PSG7: variants seen among roughly 807,000 people sequenced by gnomAD.
PSG7 encodes the protein pregnancy-specific beta-1-glycoprotein 7.
A neutral mutation model predicts 45.6 loss-of-function variants in PSG7; 57 were observed. The ratio of observed to expected loss-of-function variants is 1.25; its 90% confidence interval spans 1.01 to 1.56. The LOEUF is 1.56. Among genes scored for constraint, PSG7 ranks in the 40% most tolerant of loss-of-function variants. The pLI is 0.00. For missense variants in PSG7, 796 were observed against 508.4 expected, an observed-to-expected ratio of 1.57 and a Z score of -5.44; for synonymous variants, 298 against 194.4, an observed-to-expected ratio of 1.53 and a Z score of -4.43.
In PSG7 at chr19:42,925,562, G is replaced by A. The variant is rs368941861; in HGVS notation, c.1243+211C>T. 2.4e-6 allele frequency: 3 copies of A among 1,259,828 alleles called. No individual in the cohort carries two copies. In the South Asian group the frequency reaches 5.0e-5, roughly 21 times the overall value. The allele number at this position is 1,259,828 out of a possible 1,614,324, so 78.0% of individuals were successfully genotyped here. ...ATGAAATCAATGTTTTTCCTGCTTGGTCTAGGCTGGGAATGTTATGAAGAT... is the reference window on the plus strand; with the variant it reads ...ATGAAATCAATGTTTTTCCTGCTTGATCTAGGCTGGGAATGTTATGAAGAT... On this transcript the variant is annotated intron_variant, in intron 5 of 5. Transcript: ENST00000406070.
chr19:42,931,721 A>G (rs1386855273), intron 2 of PSG7, among the ~76,000 whole-genome samples: 1 of 151,484 alleles, frequency 6.6e-6, no homozygotes, highest in Non-Finnish European at 1.5e-5. Flanking sequence ...CACAGGCAGT[A>G]AAACCATGAG....
chr19:42,930,603 T>C lies in PSG7; in HGVS notation c.431-883A>G, dbSNP rs187309937. On this transcript the variant is annotated intron_variant, in intron 2 of 5. Coordinates refer to ENST00000406070, the MANE Select transcript of PSG7 (RefSeq NM_002783.3). ...AAGTCTGGTCCTCATGGACCATATG[T>C]GTTTGGTGGATATTAGACCAATATT... 2.9e-3 allele frequency among the ~76,000 whole-genome samples: 438 copies of C among 151,872 alleles called. 10 individuals are homozygous for C. Among genetic ancestry groups the C allele is most frequent in the African/African-American group, 8.2e-3 (341 of 41,382 alleles).
chr19:42,932,980 A>G (rs1973052113), intron 2 of PSG7, among the ~76,000 whole-genome samples: 3 of 150,304 alleles, frequency 2.0e-5, no homozygotes, highest in Non-Finnish European at 3.0e-5. Flanking sequence ...CATTCTGGCA[A>G]CCGGCTGACC....
chr19:42,925,560 T>C (rs1972862934), intron 5 of PSG7: 2 of 1,223,100 alleles, frequency 1.6e-6, no homozygotes, highest in Non-Finnish European at 2.2e-6. Context: ...TTTTCCTGCT[T>C]GGTCTAGGCT....
rs540075206 is a variant in PSG7 at position 42,936,920 on chromosome 19, C to A, written c.64+93G>T. 37 of 1,556,846 alleles carry A rather than the reference C, an allele frequency of 2.4e-5. No homozygotes were observed. In the East Asian group the frequency reaches 7.1e-4, roughly 30 times the overall value. On this transcript the variant is annotated intron_variant, in intron 1 of 5. Transcript: ENST00000406070. ...CCTCAGCCTCCCAAAGTGCTGGCTT[C>A]TTTTATTTTTTAGAACCCCATCCTC...
At position 42,929,540 on chromosome 19, in the gene PSG7, A is replaced by C. The variant is rs779673017; in HGVS notation, c.611T>G (p.Leu204Arg). The change falls in exon 3 of 6, where the codon CTA becomes CGA. Residue 204 changes from leucine (L) to arginine (R), a missense_variant. Physicochemically the swap from Leu to Arg is moderately radical, Grantham distance 102 (BLOSUM62 -2). Coordinates refer to ENST00000406070, the MANE Select transcript of PSG7 (RefSeq NM_002783.3). ...TGCAGTATAGTTTGTGACACCAAAT[A>C]GGTAGAGGGTCCTGTTGGTTTCAGA... Reference protein sequence around the residue: ...QLSETNRTLYLFGVTNYTAGP... With the variant: ...QLSETNRTLYRFGVTNYTAGP... 3.7e-5 allele frequency: 59 copies of C among 1,612,504 alleles called. 1 individual carries two copies. The South Asian group carries it at 6.3e-4, about 17-fold the overall frequency.
rs753736921 is a variant in PSG7, at chr19:42,925,831, A to G, written c.1185T>C (p.Ser395=). 4.2e-5 allele frequency: 67 copies of G among 1,612,010 alleles called. 3 individuals carry two copies. The highest frequency in any genetic ancestry group is 5.5e-5 in the Non-Finnish European group (65 of 1,179,058). Residue 395 remains serine (S), a synonymous_variant, in exon 5 of 6, where the codon TCT becomes TCC. Coordinates refer to ENST00000406070, the MANE Select transcript of PSG7 (RefSeq NM_002783.3). ...TTKHSGLYAC[S]VRNSATGKES... is the part of the protein sequence containing the mutation. ...CCTTGCCAGTGGCTGAGTTACGAACAGAGCAAGCATAGAGCCCGCTATGCT... is the reference window on the plus strand; with the variant it reads ...CCTTGCCAGTGGCTGAGTTACGAACGGAGCAAGCATAGAGCCCGCTATGCT...
chr19:42,924,528 G>T lies in PSG7; in HGVS notation c.*280C>A. Reference sequence around the variant, plus strand: ...AAGCAAGGACAGCTAAGAGGGGTGAGAGCCTCATCATGATGGGGAGTCTTA... The same window carrying T: ...AAGCAAGGACAGCTAAGAGGGGTGATAGCCTCATCATGATGGGGAGTCTTA... On this transcript the variant is annotated 3_prime_UTR_variant, in exon 6 of 6. Coordinates refer to ENST00000406070, the MANE Select transcript of PSG7 (RefSeq NM_002783.3). 1 of 592,018 alleles carries T rather than the reference G, an allele frequency of 1.7e-6. No homozygotes were observed. The highest frequency in any genetic ancestry group is 3.0e-6 in the Non-Finnish European group (1 of 334,702). 36.7% of individuals were successfully genotyped at this position (592,018 alleles called of 1,614,324 possible).
chr19:42,929,443 G>A lies in PSG7; in HGVS notation c.708C>T (p.Leu236=), dbSNP rs1354004063. Residue 236 remains leucine, a splice_region_variant and synonymous_variant, in exon 3 of 6, where the codon CTC becomes CTT. Coordinates refer to ENST00000406070, the MANE Select transcript of PSG7 (RefSeq NM_002783.3). ...AACAGAGGAACAGAAGATACTCACG[G>A]AGGAGATTCAGGGTGACTGGGTCAC... The part of the protein sequence containing the change: ...SRSDPVTLNL[L]PKLPKPYITI... 3.1e-6 allele frequency: 5 copies of A among 1,612,258 alleles called. No individual in the cohort carries two copies. Among genetic ancestry groups the A allele is most frequent in the African/African-American group, 2.7e-5 (2 of 74,748 alleles).
chr19:42,931,528 C>T (rs1451751805), intron 2 of PSG7, among the ~76,000 whole-genome samples: 1 of 151,510 alleles, frequency 6.6e-6, no homozygotes, highest in Non-Finnish European at 1.5e-5. Flanking sequence ...ATGCGGAGGA[C>T]CCCAAAACAG....
Position 42,935,705 on chromosome 19 carries a change from TG to T in PSG7, c.128del (p.Pro43GlnfsTer41). 6.2e-7 allele frequency: 1 copy of T among 1,611,936 alleles called. No homozygotes were observed. Among genetic ancestry groups the T allele is most frequent in the Non-Finnish European group, 8.5e-7 (1 of 1,179,024 alleles). On this transcript the variant is annotated frameshift_variant, in exon 2 of 6. Transcript: ENST00000406070. LOFTEE classifies it high-confidence loss of function. ...TAQVTIEAQP[P>X]KVSEGKDVLL... is the part of the protein sequence containing the mutation. Reference sequence around the variant, plus strand: ...GAACATCCTTCCCCTCGGAAACTTTTGGTGGCTGGGCTTCAATCGTGACTTG... The same window carrying T: ...GAACATCCTTCCCCTCGGAAACTTTTGTGGCTGGGCTTCAATCGTGACTTG...
intron 3 of PSG7, 148 bp from the exon 4 acceptor site, chr19:42,926,864 C>T: frequency 7.1e-7 from 1 of 1,402,050 alleles, no homozygotes; most frequent in East Asian, 2.3e-5. Context: ...AAGGTAGATG[C>T]ATGATGATCT....
At position 42,931,361 on chromosome 19, in the gene PSG7, C is replaced by G. The variant is rs140053302; in HGVS notation, c.431-1641G>C. On this transcript the variant is annotated intron_variant, in intron 2 of 5. Transcript: ENST00000406070. ...CCAAAGGTGATTTGAATTAGCAGCT[C>G]CTTAAGTAGAGAGAGTCCCGTTAAA... Among the ~76,000 whole-genome samples, 614 of 151,444 alleles carry G rather than the reference C, an allele frequency of 4.1e-3. 18 individuals are homozygous for G. The highest frequency in any genetic ancestry group is 0.014 in the African/African-American group (581 of 41,220).
At chr19:42,928,474 G>A (rs778042259) in intron 3 of PSG7, among the ~76,000 whole-genome samples, 1 of 151,502 alleles carries the variant, frequency 6.6e-6, no homozygotes, top group Non-Finnish European at 1.5e-5. Context: ...AAGGTTTGTA[G>A]TTTTCAGGGT....
rs571259350 is a variant in PSG7, at chr19:42,931,698, C to T, written c.431-1978G>A. Among the ~76,000 whole-genome samples, 20 of 151,516 alleles carry T rather than the reference C, an allele frequency of 1.3e-4. No homozygotes were observed. The South Asian group carries it at 1.5e-3, about 11-fold the overall frequency. On this transcript the variant is annotated intron_variant, in intron 2 of 5. Transcript: ENST00000406070. ...TGAAAACGGCATCATCATGAGGAAA[C>T]AGTTGTATGTGGCACAGGCAGTAAA... is the stretch of plus-strand genomic sequence containing the variant.
intron 5 of PSG7, chr19:42,925,427 A>G (rs1297993260): frequency 3.8e-6 from 2 of 519,556 alleles, no homozygotes; most frequent in Non-Finnish European, 6.3e-6. Flanking sequence ...AGCTAGAGAT[A>G]GATTAAAAGA....
chr19:42,928,284 C>G (rs575663510), intron 3 of PSG7, among the ~76,000 whole-genome samples: 12 of 151,686 alleles, frequency 7.9e-5, no homozygotes, highest in African/African-American at 1.7e-4. Context: ...AGCCTGTCAG[C>G]TCAGATTTAG....
chr19:42,935,830 G>T (rs575541640), intron 1 of PSG7, 61 bp from the exon 2 acceptor site: 1 of 1,547,492 alleles, frequency 6.5e-7, no homozygotes, highest in African/African-American at 1.4e-5. Context: ...GAAAAGATGG[G>T]CCCCTGGGTC....
At chr19:42,926,854 A>G (rs1212776594) in intron 3 of PSG7, 138 bp from the exon 4 acceptor site, 6 of 1,436,454 alleles carry the variant, frequency 4.2e-6, no homozygotes, top group Non-Finnish European at 2.8e-6. Flanking sequence ...TGTGTGTCAC[A>G]AGGTAGATGC....
Sources: allele counts gnomAD v4.1 joint callset (sites outside exome capture counted in the v4.1 genomes callset), GRCh38; gene constraint gnomAD v4.1.1; transcripts MANE v1.5; gene names NCBI Gene and HGNC (gene_info 2026-07-23, HGNC 2026-07-21).